Variants in PPM1G observed in about 807,000 individuals in gnomAD.
The protein encoded by PPM1G is protein phosphatase, Mg2+/Mn2+ dependent 1G.
In PPM1G, 12 loss-of-function variants were observed where a neutral mutation model predicts 59.4. The observed-to-expected ratio is 0.20, with a 90% CI of 0.13 to 0.33. PPM1G has a LOEUF of 0.33. Among genes scored for constraint, PPM1G ranks in the 10% least tolerant of loss-of-function variants. The pLI is 1.00. For missense variants in PPM1G, 392 were observed against 681.3 expected (o/e 0.58, Z 4.73); for synonymous variants, 245 against 251.9 (o/e 0.97, Z 0.26).
chr2:27,386,335 G>A, intron 2 of PPM1G, 56 bp from the exon 3 acceptor site: 2 of 1,274,114 alleles, frequency 1.6e-6, no homozygotes, highest in South Asian at 1.2e-5. Flanking sequence ...CATAGAAAGT[G>A]ATACAATATT....
Position 27,409,577 on chromosome 2 carries a change from C to T in PPM1G, c.-155G>A. On this transcript the variant is annotated 5_prime_UTR_variant, in exon 1 of 10. Transcript: ENST00000344034. ...CGCGAGGCCGGCCAGGAGGCGGTAA[C>T]GGGACGGGAGCTGTGAGGGAGCGGA... 8 of 991,270 alleles carry T rather than the reference C, an allele frequency of 8.1e-6. No homozygotes were observed. The highest frequency in any genetic ancestry group is 1.1e-5 in the Non-Finnish European group (8 of 746,994). 61.4% of individuals were successfully genotyped at this position (991,270 alleles called of 1,614,324 possible).
rs576119388 is a variant in PPM1G at position 27,382,242 on chromosome 2, C to A, written c.1332-14G>T. On this transcript the variant is annotated splice_polypyrimidine_tract_variant and intron_variant, in intron 8 of 9. Coordinates refer to ENST00000344034, the MANE Select transcript of PPM1G (RefSeq NM_177983.3). The surrounding 1 kb of genome is among the most constrained non-coding windows in gnomAD (Gnocchi z 4.2). ...CTCATCACATTCCTGGGGTCAAGAA[C>A]AACAGTCAGAATCTTCCAGTCTCAC... is the stretch of plus-strand genomic sequence containing the variant. The A allele has an allele frequency of 1.2e-6, 2 of 1,611,912 alleles. No individual in the cohort carries two copies. The highest frequency in any genetic ancestry group is 1.3e-5 in the African/African-American group (1 of 75,000).
intron 1 of PPM1G, among the ~76,000 whole-genome samples, chr2:27,402,470 T>C (rs1684201235): frequency 6.6e-6 from 1 of 152,200 alleles, no homozygotes; most frequent in African/African-American, 2.4e-5. Flanking sequence ...TGATTGTATT[T>C]TCCAGTTGCT....
At chr2:27,405,926 C>T (rs1297127739) in intron 1 of PPM1G, among the ~76,000 whole-genome samples, 2 of 151,896 alleles carry the variant, frequency 1.3e-5, no homozygotes, top group Non-Finnish European at 2.9e-5. Flanking sequence ...TCGCTTGAAC[C>T]CGGGAGGCGG....
At position 27,381,585 on chromosome 2, in the gene PPM1G, G is replaced by T; in HGVS notation, c.*14C>A. 1.2e-6 allele frequency: 2 copies of T among 1,614,028 alleles called. No homozygotes were observed. The highest frequency in any genetic ancestry group is 1.7e-6 in the Non-Finnish European group (2 of 1,179,948). ...TCAGAAAACAGTCTAGGTGGGCAGGGGTCTGGATGACTGCTAGTCTCGCTT... is the reference window on the plus strand; with the variant it reads ...TCAGAAAACAGTCTAGGTGGGCAGGTGTCTGGATGACTGCTAGTCTCGCTT... On this transcript the variant is annotated 3_prime_UTR_variant, in exon 10 of 10. Coordinates refer to ENST00000344034, the MANE Select transcript of PPM1G (RefSeq NM_177983.3).
intron 1 of PPM1G, 74 bp downstream of exon 1, chr2:27,409,229 C>T: frequency 1.3e-6 from 2 of 1,493,656 alleles, no homozygotes; most frequent in South Asian, 2.5e-5. Context: ...CAGGGGAGGA[C>T]CCCATCCCCC....
At position 27,382,631 on chromosome 2, in the gene PPM1G, C is replaced by G. The variant is rs754781766; in HGVS notation, c.1202-26G>C. ...CTGGAGTAAAGGAATGGTTGATGAG[C>G]AGTTTGGATACTTCCCACAGACTTG... On this transcript the variant is annotated intron_variant, in intron 7 of 9. Transcript: ENST00000344034. The surrounding 1 kb of genome is among the most constrained non-coding windows in gnomAD (Gnocchi z 4.2). 6.2e-6 allele frequency: 10 copies of G among 1,613,698 alleles called. No individual in the cohort carries two copies. The highest frequency in any genetic ancestry group is 8.5e-6 in the Non-Finnish European group (10 of 1,179,706).
chr2:27,398,425 G>A (rs915757376), intron 1 of PPM1G, among the ~76,000 whole-genome samples: 6 of 152,060 alleles, frequency 3.9e-5, no homozygotes, highest in South Asian at 2.1e-4. Flanking sequence ...GAAAATTCTC[G>A]TGACTTTGGG....
At chr2:27,387,059 A>C (rs538333981) in intron 2 of PPM1G, 30 bp downstream of exon 2, 1 of 1,559,582 alleles carries the variant, frequency 6.4e-7, no homozygotes, top group South Asian at 1.1e-5. Flanking sequence ...GGGGTCCTAG[A>C]ATGTTACCAA....
At chr2:27,392,880 G>A (rs955489244) in intron 1 of PPM1G, 4 of 1,432,250 alleles carry the variant, frequency 2.8e-6, no homozygotes, top group East Asian at 4.5e-5. Flanking sequence ...TGTTGGTCAC[G>A]TGGTCACCCA....
intron 1 of PPM1G, among the ~76,000 whole-genome samples, chr2:27,401,834 G>T (rs1261464203): frequency 6.7e-6 from 1 of 149,802 alleles, no homozygotes; most frequent in Non-Finnish European, 1.5e-5. Context: ...CTCGAAAAAA[G>T]AAAAAAAGAA....
At chr2:27,394,220 T>C (rs181833111) in intron 1 of PPM1G, among the ~76,000 whole-genome samples, 3 of 152,208 alleles carry the variant, frequency 2.0e-5, no homozygotes, top group Admixed American at 2.0e-4. Flanking sequence ...GTAATAAAAA[T>C]TAGTAAACTT....
At chr2:27,399,328 C>T (rs1430691581) in intron 1 of PPM1G, among the ~76,000 whole-genome samples, 1 of 152,096 alleles carries the variant, frequency 6.6e-6, no homozygotes, top group Non-Finnish European at 1.5e-5. Context: ...AGACTTTGAA[C>T]AGACATTTCT....
At chr2:27,393,636 G>A (rs1011729516) in intron 1 of PPM1G, among the ~76,000 whole-genome samples, 1 of 152,118 alleles carries the variant, frequency 6.6e-6, no homozygotes, top group African/African-American at 2.4e-5. Context: ...CCAGGCTGGA[G>A]TGCAGTGGCG....
intron 1 of PPM1G, chr2:27,393,417 G>T: frequency 8.3e-6 from 10 of 1,198,268 alleles, no homozygotes; most frequent in Non-Finnish European, 1.2e-5. Context: ...GCTACGCGGC[G>T]CTGGAGCTGC....
At chr2:27,408,995 G>C (rs1388777385) in intron 1 of PPM1G, among the ~76,000 whole-genome samples, 1 of 152,224 alleles carries the variant, frequency 6.6e-6, no homozygotes, top group Non-Finnish European at 1.5e-5. Context: ...CACCGTTGAT[G>C]AGCCTGGAGG....
rs1424692 is a variant in PPM1G, at chr2:27,401,132, C to A, written c.120+8171G>T. Reference sequence around the variant, plus strand: ...AAAATAAAACCTGCAAGGCACTGATCTAGAAAGAAGCAAAAGAACCTTGGG... The same window carrying A: ...AAAATAAAACCTGCAAGGCACTGATATAGAAAGAAGCAAAAGAACCTTGGG... On this transcript the variant is annotated intron_variant, in intron 1 of 9. Coordinates refer to ENST00000344034, the MANE Select transcript of PPM1G (RefSeq NM_177983.3). 9.4e-3 allele frequency among the ~76,000 whole-genome samples: 1,429 copies of A among 152,286 alleles called. 11 individuals carry two copies. Among genetic ancestry groups the A allele is most frequent in the South Asian group, 0.027 (132 of 4,828 alleles).
intron 1 of PPM1G, among the ~76,000 whole-genome samples, chr2:27,389,648 T>G (rs1683849798): frequency 6.6e-6 from 1 of 152,200 alleles, no homozygotes; most frequent in Admixed American, 6.5e-5. Flanking sequence ...GAATCAGAAC[T>G]ACTAAGTTTG....
chr2:27,381,808 A>C lies in PPM1G; in HGVS notation c.1435-3T>G. 6.2e-7 allele frequency: 1 copy of C among 1,612,252 alleles called. No homozygotes were observed. The highest frequency in any genetic ancestry group is 8.5e-7 in the Non-Finnish European group (1 of 1,179,810). ...GGTGCCAGGCACTGATCCAGCAGCT[A>C]AGAAAGGGATGGGGGTAGCTCAGCC... On this transcript the variant is annotated splice_polypyrimidine_tract_variant and splice_region_variant and intron_variant, in intron 9 of 9. Coordinates refer to ENST00000344034, the MANE Select transcript of PPM1G (RefSeq NM_177983.3).
Sources: gnomAD v4.1 joint callset for allele counts (sites outside exome capture counted in the v4.1 genomes callset) on GRCh38, gnomAD v4.1.1 for gene constraint, Gnocchi (gnomAD v3.1) non-coding constraint, MANE v1.5 for transcripts, NCBI Gene and HGNC (gene_info 2026-07-23, HGNC 2026-07-21) for gene names.